Variants in BRINP1 observed in about 807,000 individuals in gnomAD.
BRINP1 encodes the protein BMP/retinoic acid inducible neural specific 1.
A neutral mutation model predicts 72.9 loss-of-function variants in BRINP1; 17 were observed. The observed-to-expected ratio is 0.23, with a 90% CI of 0.16 to 0.35. The LOEUF (loss-of-function observed/expected upper bound fraction) is 0.35. BRINP1 is among the 10% of genes least tolerant of loss of function. BRINP1 has a pLI of 1.00. For missense variants in BRINP1, 850 were observed against 1,001.6 expected, an observed-to-expected ratio of 0.85 and a Z score of 2.04; for synonymous variants, 418 against 378.5, an observed-to-expected ratio of 1.10 and a Z score of -1.21.
intron 1 of BRINP1, among the ~76,000 whole-genome samples, chr9:119,351,445 G>T (rs1480959874): frequency 6.6e-6 from 1 of 151,288 alleles, no homozygotes; most frequent in Non-Finnish European, 1.5e-5. Flanking sequence ...TGGATGCCAG[G>T]TTTGAAAAAA....
At chr9:119,230,661 A>C (rs1830140197) in intron 5 of BRINP1, among the ~76,000 whole-genome samples, 1 of 152,012 alleles carries the variant, frequency 6.6e-6, no homozygotes, top group Non-Finnish European at 1.5e-5. Context: ...CTGAGGTTTC[A>C]AGCAGAGATA....
intron 7 of BRINP1, among the ~76,000 whole-genome samples, chr9:119,171,124 C>CATAACACTATTAACTTTAAA (rs1554744588): frequency 6.6e-6 from 1 of 150,568 alleles, no homozygotes; most frequent in Non-Finnish European, 1.5e-5. Flanking sequence ...CAAATTCACA[C>CATAACACTATTAACTTTAAA]ATAACACTAT....
chr9:119,226,820 C>T (rs1830096686), intron 5 of BRINP1, among the ~76,000 whole-genome samples: 1 of 151,822 alleles, frequency 6.6e-6, no homozygotes, highest in Non-Finnish European at 1.5e-5. Context: ...ATGGTGCTGG[C>T]ACATGGAAAG....
At chr9:119,186,109 G>A (rs1829617539) in intron 7 of BRINP1, among the ~76,000 whole-genome samples, 1 of 152,100 alleles carries the variant, frequency 6.6e-6, no homozygotes, top group African/African-American at 2.4e-5. Context: ...TGAGCCCAGG[G>A]CACTGCCTGG....
chr9:119,314,710 A>C (rs1159580321), intron 1 of BRINP1, among the ~76,000 whole-genome samples: 1 of 152,140 alleles, frequency 6.6e-6, no homozygotes, highest in Non-Finnish European at 1.5e-5. Flanking sequence ...CTTTAAATCC[A>C]CTTTGTATCT....
chr9:119,347,010 T>C (rs1831459165), intron 1 of BRINP1, among the ~76,000 whole-genome samples: 1 of 152,102 alleles, frequency 6.6e-6, no homozygotes, highest in African/African-American at 2.4e-5. Context: ...GATTCCTACC[T>C]CTTCTTCAGG....
At chr9:119,277,426 A>G (rs7856245) in intron 2 of BRINP1, among the ~76,000 whole-genome samples, 39,422 of 152,022 alleles carry the variant, frequency 0.26, 5,285 homozygotes, top group Non-Finnish European at 0.26. Flanking sequence ...AGGAACATCA[A>G]GTTGGTAGCT....
chr9:119,208,848 T>C lies in BRINP1; in HGVS notation c.1016A>G (p.Gln339Arg), dbSNP rs1829887664. The C allele has an allele frequency of 1.2e-6, 2 of 1,614,176 alleles. No homozygotes were observed. Among genetic ancestry groups the C allele is most frequent in the Non-Finnish European group, 1.7e-6 (2 of 1,180,038 alleles). The change falls in exon 7 of 8, where the codon CAG becomes CGG. Residue 339 changes from glutamine (Q) to arginine (R), a missense_variant. Transcript: ENST00000265922. ...HQHWGNDWDL[Q>R]NRYKLLQSAT... ...ACTCTGCAGGAGCTTGTAGCGGTTC[T>C]GCAGGTCCCAGTCATTGCCCCAGTG...
intron 1 of BRINP1, among the ~76,000 whole-genome samples, chr9:119,362,678 A>G (rs1432218069): frequency 6.6e-6 from 1 of 152,064 alleles, no homozygotes; most frequent in African/African-American, 2.4e-5. Flanking sequence ...CCACATATTC[A>G]TTCTCTCCTT....
At chr9:119,317,209 A>G (rs1183756803) in intron 1 of BRINP1, among the ~76,000 whole-genome samples, 1 of 152,214 alleles carries the variant, frequency 6.6e-6, no homozygotes, top group East Asian at 1.9e-4. Context: ...GAAAAGAGTC[A>G]CCATTCTAGA....
chr9:119,336,027 A>G (rs1831342120), intron 1 of BRINP1, among the ~76,000 whole-genome samples: 1 of 152,210 alleles, frequency 6.6e-6, no homozygotes, highest in Non-Finnish European at 1.5e-5. Context: ...TAAGGCTGAC[A>G]TGTATGGGTA....
intron 5 of BRINP1, among the ~76,000 whole-genome samples, chr9:119,224,347 C>T (rs969568365): frequency 6.6e-6 from 1 of 151,974 alleles, no homozygotes; most frequent in Non-Finnish European, 1.5e-5. Flanking sequence ...CCAGCATTTG[C>T]CAAGTTGTAT....
intron 7 of BRINP1, among the ~76,000 whole-genome samples, chr9:119,172,727 C>G (rs1829430577): frequency 6.6e-6 from 1 of 151,926 alleles, no homozygotes. Flanking sequence ...ATGCAAAAAT[C>G]CTCAATAAAA....
intron 5 of BRINP1, 115 bp from the exon 6 acceptor site, chr9:119,214,270 T>G: frequency 1.3e-6 from 1 of 755,528 alleles, no homozygotes; most frequent in Non-Finnish European, 2.2e-6. Flanking sequence ...CCCTGTGTAT[T>G]GGAACCAATA....
chr9:119,287,665 T>C (rs1251053514), intron 2 of BRINP1, among the ~76,000 whole-genome samples: 1 of 152,194 alleles, frequency 6.6e-6, no homozygotes, highest in Non-Finnish European at 1.5e-5. Flanking sequence ...TACAACGCCA[T>C]CTGAGTGGTC....
At chr9:119,275,065 A>G (rs570275508) in intron 2 of BRINP1, among the ~76,000 whole-genome samples, 32 of 152,204 alleles carry the variant, frequency 2.1e-4, no homozygotes, top group Non-Finnish European at 4.1e-4. Context: ...TCATAAGTAA[A>G]ACCAGAGCTT....
intron 1 of BRINP1, among the ~76,000 whole-genome samples, chr9:119,331,961 G>C (rs1459177675): frequency 6.6e-6 from 1 of 152,222 alleles, no homozygotes; most frequent in Non-Finnish European, 1.5e-5. Context: ...AAGGGTAAAA[G>C]CCACTATCTG....
chr9:119,253,755 G>C (rs1390644423), intron 2 of BRINP1, among the ~76,000 whole-genome samples: 1 of 152,198 alleles, frequency 6.6e-6, no homozygotes, highest in Admixed American at 6.5e-5. Context: ...CAGGTAGAAA[G>C]AAAGGGATGT....
intron 2 of BRINP1, among the ~76,000 whole-genome samples, chr9:119,250,115 AGG>A (rs1476429033): frequency 3.2e-4 from 23 of 72,850 alleles, no homozygotes; most frequent in South Asian, 1.1e-3. Context: ...GGAAGGAGGG[AGG>A]GAGGGAAGGA....
Sources: allele counts gnomAD v4.1 joint callset (sites outside exome capture counted in the v4.1 genomes callset), GRCh38; gene constraint gnomAD v4.1.1; transcripts MANE v1.5; gene names NCBI Gene and HGNC (gene_info 2026-07-23, HGNC 2026-07-21).